Variants in HDAC4 observed in about 807,000 individuals in gnomAD.
HDAC4 encodes histone deacetylase 4.
HDAC4 carries 16 observed loss-of-function variants against 135.1 expected under a neutral mutation model. The ratio of observed to expected loss-of-function variants is 0.12; its 90% CI spans 0.08 to 0.18. The LOEUF (loss-of-function observed/expected upper bound fraction) is 0.18, where lower values mean the gene tolerates loss of function less well. HDAC4 is among the 10% of genes least tolerant of loss of function. The pLI is 1.00. For missense variants in HDAC4, 1,143 were observed against 1,511.8 expected (o/e 0.76, Z 4.05); for synonymous variants, 685 against 653.4 (o/e 1.05, Z -0.74).
At chr2:239,282,966 ACAC>A (rs1270322917) in intron 2 of HDAC4, among the ~76,000 whole-genome samples, 1 of 152,052 alleles carries the variant, frequency 6.6e-6, no homozygotes, top group Non-Finnish European at 1.5e-5. Context: ...TACAATGTAC[ACAC>A]CACTCTCAAT....
chr2:239,114,713 T>G (rs2152807967), intron 13 of HDAC4, among the ~76,000 whole-genome samples: 1 of 152,334 alleles, frequency 6.6e-6, no homozygotes, highest in South Asian at 2.1e-4. Flanking sequence ...GTTCCTTCAC[T>G]TCTTTAAAAA....
At chr2:239,085,953 G>C (rs13401193) in intron 19 of HDAC4, 1 of 108,332 alleles carries the variant, frequency 9.2e-6, no homozygotes, top group East Asian at 3.0e-4. Flanking sequence ...TGACTATCTC[G>C]CACGTACAGT....
chr2:239,067,791 C>T lies in HDAC4; in HGVS notation c.2869+698G>A, dbSNP rs557674822. ...CGGGCCCCTCCTTGGCCGCCTGTGCCGACAGGAGTGGGGAGGGCCATACAC... is the reference window on the plus strand; with the variant it reads ...CGGGCCCCTCCTTGGCCGCCTGTGCTGACAGGAGTGGGGAGGGCCATACAC... On this transcript the variant is annotated intron_variant, in intron 23 of 26. Coordinates refer to ENST00000543185, the MANE Select transcript of HDAC4 (RefSeq NM_001378414.1). Among the ~76,000 whole-genome samples, 156 of 152,296 alleles carry T rather than the reference C, an allele frequency of 1.0e-3. 1 individual carries two copies. Among genetic ancestry groups the T allele is most frequent in the Non-Finnish European group, 1.7e-3 (118 of 68,022 alleles).
At chr2:239,380,028 A>G (rs1260506827) in intron 1 of HDAC4, among the ~76,000 whole-genome samples, 1 of 151,740 alleles carries the variant, frequency 6.6e-6, no homozygotes, top group African/African-American at 2.4e-5. Flanking sequence ...GGGCGCCAAG[A>G]CTCCACTGGG....
intron 2 of HDAC4, among the ~76,000 whole-genome samples, chr2:239,296,315 G>A (rs545845578): frequency 6.6e-6 from 1 of 152,370 alleles, no homozygotes; most frequent in East Asian, 1.9e-4. Context: ...TGCCCAGAAG[G>A]AGGCCAATAC....
At chr2:239,225,868 T>C (rs1386914696) in intron 3 of HDAC4, among the ~76,000 whole-genome samples, 1 of 152,184 alleles carries the variant, frequency 6.6e-6, no homozygotes, top group Non-Finnish European at 1.5e-5. Flanking sequence ...CGTGTGACAG[T>C]GTGTGCATCT....
In HDAC4 at chr2:239,298,416, C is replaced by A. The variant is rs960976637; in HGVS notation, c.22+54262G>T. 10 of 1,171,208 alleles carry A rather than the reference C, an allele frequency of 8.5e-6. No homozygotes were observed. In the African/African-American group the frequency reaches 1.1e-4, roughly 13 times the overall value. The allele number at this position is 1,171,208 out of a possible 1,614,324, so 72.6% of individuals were successfully genotyped here. On this transcript the variant is annotated intron_variant, in intron 2 of 26. Transcript: ENST00000543185. The stretch of plus-strand genomic sequence containing the variant: ...TGCACCTCAGAGGGAAACAGGGTAT[C>A]CTGAAGTTCAAGTGCATGCACACCG...
At chr2:239,324,003 G>A (rs2053396021) in intron 2 of HDAC4, among the ~76,000 whole-genome samples, 1 of 152,194 alleles carries the variant, frequency 6.6e-6, no homozygotes, top group African/African-American at 2.4e-5. Flanking sequence ...ATCTGAACGG[G>A]ACCACATGCG....
intron 4 of HDAC4, among the ~76,000 whole-genome samples, chr2:239,182,420 G>A (rs2044211056): frequency 6.6e-6 from 1 of 152,202 alleles, no homozygotes; most frequent in African/African-American, 2.4e-5. Flanking sequence ...GAGGGAAAGT[G>A]AGCTCTTTCC....
At chr2:239,378,096 T>C (rs1403030093) in intron 1 of HDAC4, among the ~76,000 whole-genome samples, 2 of 152,106 alleles carry the variant, frequency 1.3e-5, no homozygotes, top group East Asian at 1.9e-4. Flanking sequence ...ATCCGGGGAA[T>C]GCCAGCGGCA....
At chr2:239,279,718 G>T (rs78149911) in intron 2 of HDAC4, among the ~76,000 whole-genome samples, 5,488 of 152,286 alleles carry the variant, frequency 0.036, 121 homozygotes, top group East Asian at 0.079. Flanking sequence ...ACAAGAACCA[G>T]CCACACCAGG....
At chr2:239,064,954 T>C (rs1009390908) in intron 24 of HDAC4, among the ~76,000 whole-genome samples, 1 of 152,214 alleles carries the variant, frequency 6.6e-6, no homozygotes, top group African/African-American at 2.4e-5. Flanking sequence ...ATGCGAACGA[T>C]GCCTGCACAC....
rs112826557 is a variant in HDAC4, at chr2:239,087,476, G to A, written c.2444+83C>T. 2.1e-4 allele frequency: 285 copies of A among 1,363,332 alleles called. 2 individuals are homozygous for A. In the African/African-American group the frequency reaches 3.4e-3, roughly 16 times the overall value. 84.5% of individuals were successfully genotyped at this position (1,363,332 alleles called of 1,614,324 possible). ...GCAAACAGCAGCCCAGCTCCCCGCA[G>A]TCACTCACACACCCACCCAGCCCTA... On this transcript the variant is annotated intron_variant, in intron 19 of 26. Coordinates refer to ENST00000543185, the MANE Select transcript of HDAC4 (RefSeq NM_001378414.1).
chr2:239,379,076 A>G (rs889266016), intron 1 of HDAC4, among the ~76,000 whole-genome samples: 3 of 152,132 alleles, frequency 2.0e-5, no homozygotes, highest in African/African-American at 7.2e-5. Flanking sequence ...ACACAAAGGG[A>G]AGAAACGCTC....
chr2:239,131,181 C>T (rs1039983989), intron 11 of HDAC4, among the ~76,000 whole-genome samples: 1 of 152,206 alleles, frequency 6.6e-6, no homozygotes, highest in African/African-American at 2.4e-5. Flanking sequence ...CGGAAAGGGG[C>T]TGACTGGAGG....
At chr2:239,304,797 T>A (rs2052480483) in intron 2 of HDAC4, among the ~76,000 whole-genome samples, 1 of 152,162 alleles carries the variant, frequency 6.6e-6, no homozygotes, top group South Asian at 2.1e-4. Flanking sequence ...GGACGCTGAC[T>A]GTCCAAGCAG....
intron 24 of HDAC4, among the ~76,000 whole-genome samples, chr2:239,061,239 CTGTG>C (rs375642482): frequency 1.2e-4 from 18 of 148,822 alleles, no homozygotes; most frequent in East Asian, 6.1e-4. Flanking sequence ...GCACGTGAGA[CTGTG>C]TGGTGCATTC....
intron 2 of HDAC4, among the ~76,000 whole-genome samples, chr2:239,298,863 A>ATTTTTTTTT (rs35449811): frequency 7.2e-5 from 6 of 82,980 alleles, no homozygotes; most frequent in Non-Finnish European, 1.1e-4. Context: ...GCCATAGCCT[A>ATTTTTTTTT]TTTTTTTTTT....
At chr2:239,259,920 C>T (rs968557231) in intron 2 of HDAC4, among the ~76,000 whole-genome samples, 1 of 152,146 alleles carries the variant, frequency 6.6e-6, no homozygotes, top group African/African-American at 2.4e-5. Flanking sequence ...TCCTTTGTCA[C>T]ACAGAGGGCA....
Sources: allele counts gnomAD v4.1 joint callset (sites outside exome capture counted in the v4.1 genomes callset), GRCh38; gene constraint gnomAD v4.1.1; transcripts MANE v1.5; gene names NCBI Gene and HGNC (gene_info 2026-07-23, HGNC 2026-07-21).